Variants in PSMA1 observed in about 807,000 individuals in gnomAD.
PSMA1 encodes proteasome 20S subunit alpha 1.
A neutral mutation model predicts 38.4 loss-of-function variants in PSMA1; 3 were observed. That is an observed-to-expected ratio of 0.08 (90% CI 0.04 to 0.20). The LOEUF is 0.20. Among genes scored for constraint, PSMA1 ranks in the 10% least tolerant of loss-of-function variants. The pLI, the probability that PSMA1 is intolerant of heterozygous loss-of-function variation, is 1.00. For missense variants in PSMA1, 227 were observed against 325.3 expected (o/e 0.70, Z 2.32); for synonymous variants, 101 against 107.1 (o/e 0.94, Z 0.35).
intron 2 of PSMA1, among the ~76,000 whole-genome samples, chr11:14,583,605 C>T (rs373280127): frequency 9.9e-5 from 15 of 152,280 alleles, no homozygotes; most frequent in African/African-American, 3.6e-4. Context: ...TAACTTTGGG[C>T]TCATTATATG....
chr11:14,542,279 A>G (rs1367734730), intron 2 of PSMA1, among the ~76,000 whole-genome samples: 3 of 152,166 alleles, frequency 2.0e-5, no homozygotes, highest in Non-Finnish European at 4.4e-5. Context: ...TGGCTCAGTT[A>G]CATGCTTGGC....
chr11:14,633,530 G>A (rs1481864093), intron 1 of PSMA1, among the ~76,000 whole-genome samples: 1 of 152,094 alleles, frequency 6.6e-6, no homozygotes, highest in African/African-American at 2.4e-5. Flanking sequence ...GAGAACCACT[G>A]CTCTCTTCAA....
At chr11:14,582,503 C>G (rs1380297937) in intron 2 of PSMA1, among the ~76,000 whole-genome samples, 1 of 151,978 alleles carries the variant, frequency 6.6e-6, no homozygotes, top group African/African-American at 2.4e-5. Context: ...TAGCAAATAT[C>G]CACTTCATAC....
rs542250357 is a variant in PSMA1, at chr11:14,517,987, G to GAAA, written c.49-9_49-7dup. On this transcript the variant is annotated splice_polypyrimidine_tract_variant and splice_region_variant and intron_variant, in intron 2 of 9. Coordinates refer to ENST00000396394, the MANE Select transcript of PSMA1 (RefSeq NM_002786.4). ...TCAATTTGATGAATCCTGCCCTAAAGAAAAAAAAAACAAAAAACACACATC... is the reference window on the plus strand; with the variant it reads ...TCAATTTGATGAATCCTGCCCTAAAGAAAAAAAAAAAAACAAAAAACACACATC... 5 of 1,348,672 alleles carry GAAA rather than the reference G, an allele frequency of 3.7e-6. No homozygotes were observed. Among genetic ancestry groups the GAAA allele is most frequent in the African/African-American group, 1.7e-5 (1 of 60,086 alleles). The allele number at this position is 1,348,672 out of a possible 1,614,324, so 83.5% of individuals were successfully genotyped here. A position where few individuals can be genotyped will look rare whatever the true frequency, so the allele number is the denominator to read the frequency against.
chr11:14,580,727 A>G (rs904728661), intron 2 of PSMA1, among the ~76,000 whole-genome samples: 1 of 152,230 alleles, frequency 6.6e-6, no homozygotes, highest in Non-Finnish European at 1.5e-5. Context: ...TTAGATCTTA[A>G]GCCTGTCAGA....
chr11:14,584,500 G>GTTTTT (rs765040764), intron 2 of PSMA1, among the ~76,000 whole-genome samples: 2 of 133,666 alleles, frequency 1.5e-5, no homozygotes, highest in Admixed American at 7.3e-5. Context: ...TGTTTTTTTT[G>GTTTTT]TTTTTTGTTT....
chr11:14,536,592 G>A (rs1051242767), intron 2 of PSMA1, among the ~76,000 whole-genome samples: 1 of 151,674 alleles, frequency 6.6e-6, no homozygotes, highest in South Asian at 2.1e-4. Flanking sequence ...ATAGGACAAA[G>A]GCAGCATTTA....
rs1851932843 is a variant in PSMA1 at position 14,555,447 on chromosome 11, A to G, written c.22-36406T>C. ...AGAAACATACAAGAATTCTTCAGGC[A>G]TCATATCTAGAGGAATAAAAATAAA... On this transcript the variant is annotated intron_variant, in intron 2 of 10. Transcript: ENST00000418988. 2.0e-5 allele frequency among the ~76,000 whole-genome samples: 3 copies of G among 152,214 alleles called. No homozygotes were observed. The South Asian group carries it at 6.2e-4, about 32-fold the overall frequency.
intron 1 of PSMA1, among the ~76,000 whole-genome samples, chr11:14,622,897 T>C (rs921473649): frequency 1.3e-5 from 2 of 152,166 alleles, no homozygotes; most frequent in Non-Finnish European, 2.9e-5. Flanking sequence ...CCTGGAATTC[T>C]GGGGCAAGGC....
Position 14,527,478 on chromosome 11 carries a change from A to G in PSMA1, c.22-8437T>C, listed in dbSNP as rs578186639. 1.1e-4 allele frequency among the ~76,000 whole-genome samples: 16 copies of G among 152,190 alleles called. No individual in the cohort carries two copies. In the East Asian group the frequency reaches 2.9e-3, roughly 28 times the overall value. On this transcript the variant is annotated intron_variant, in intron 2 of 10. Coordinates refer to the PSMA1 transcript ENST00000418988. ...TAGAACCTCTCATTTCCTTTCCAACATGGAAATCTATCCTTAGGGAAATCA... is the reference window on the plus strand; with the variant it reads ...TAGAACCTCTCATTTCCTTTCCAACGTGGAAATCTATCCTTAGGGAAATCA...
chr11:14,604,863 T>C (rs753302767), intron 2 of PSMA1, among the ~76,000 whole-genome samples: 1 of 152,320 alleles, frequency 6.6e-6, no homozygotes, highest in Non-Finnish European at 1.5e-5. Flanking sequence ...TGACCTCTAA[T>C]TGCTGCAAAG....
intron 2 of PSMA1, among the ~76,000 whole-genome samples, chr11:14,539,312 T>G (rs192062388): frequency 6.6e-6 from 1 of 152,188 alleles, no homozygotes; most frequent in African/African-American, 2.4e-5. Context: ...TCACTGTTAT[T>G]TTTAATTATT....
At chr11:14,535,447 T>C (rs1479124178) in intron 2 of PSMA1, among the ~76,000 whole-genome samples, 1 of 150,004 alleles carries the variant, frequency 6.7e-6, no homozygotes, top group East Asian at 1.9e-4. Context: ...TTTCTTTCTT[T>C]TTTTTTTTTT....
At chr11:14,518,675 CTCT>C (rs1380016173) in intron 2 of PSMA1, among the ~76,000 whole-genome samples, 1 of 152,132 alleles carries the variant, frequency 6.6e-6, no homozygotes, top group African/African-American at 2.4e-5. Flanking sequence ...TTTGTATCTC[CTCT>C]TTTTTCCTCC....
At chr11:14,621,050 T>C (rs1852837706) in intron 1 of PSMA1, among the ~76,000 whole-genome samples, 1 of 152,210 alleles carries the variant, frequency 6.6e-6, no homozygotes, top group South Asian at 2.1e-4. Flanking sequence ...CATTTTCCTG[T>C]ATTAGCTGTT....
At chr11:14,582,306 A>G (rs16930340) in intron 2 of PSMA1, among the ~76,000 whole-genome samples, 19,991 of 152,144 alleles carry the variant, frequency 0.13, 1,531 homozygotes, top group African/African-American at 0.2. Flanking sequence ...AAATGCTAAT[A>G]TATAAATGCT....
intron 2 of PSMA1, among the ~76,000 whole-genome samples, chr11:14,606,064 A>T (rs1345327641): frequency 6.6e-6 from 1 of 152,232 alleles, no homozygotes; most frequent in African/African-American, 2.4e-5. Flanking sequence ...ATATGGTAAA[A>T]TGTAGGGGCT....
At chr11:14,641,610 T>C (rs1446867939) in intron 1 of PSMA1, among the ~76,000 whole-genome samples, 1 of 152,214 alleles carries the variant, frequency 6.6e-6, no homozygotes, top group Non-Finnish European at 1.5e-5. Context: ...GCTTGTAGCC[T>C]TATAAAAACC....
chr11:14,634,353 A>G (rs1472384885), intron 1 of PSMA1, among the ~76,000 whole-genome samples: 1 of 152,226 alleles, frequency 6.6e-6, no homozygotes, highest in Non-Finnish European at 1.5e-5. Context: ...ACTTGTACAC[A>G]TACACGCAAC....
Sources: gnomAD v4.1 joint callset for allele counts (sites outside exome capture counted in the v4.1 genomes callset) on GRCh38, gnomAD v4.1.1 for gene constraint, MANE v1.5 for transcripts, NCBI Gene and HGNC (gene_info 2026-07-23, HGNC 2026-07-21) for gene names.